LAMA1: variants seen among roughly 807,000 people sequenced by gnomAD.
LAMA1 encodes the protein laminin subunit alpha 1.
A neutral mutation model predicts 348.7 loss-of-function variants in LAMA1; 219 were observed. That is an observed-to-expected ratio of 0.63 (90% CI 0.56 to 0.70). LAMA1 has a LOEUF of 0.70. LAMA1 is among the 30% of genes least tolerant of loss of function. The probability of loss-of-function intolerance (pLI) is 0.00; values close to 1 mark genes in which losing one functional copy is unlikely to be tolerated. For missense variants in LAMA1, 3,744 were observed against 3,888.0 expected (o/e 0.96, Z 0.99); for synonymous variants, 1,487 against 1,491.0 (o/e 1.00, Z 0.06).
chr18:6,978,068 G>A lies in LAMA1; in HGVS notation c.6190+128C>T, dbSNP rs960740194. The A allele has an allele frequency of 5.8e-6, 8 of 1,373,288 alleles. No homozygotes were observed. In the African/African-American group the frequency reaches 1.0e-4, roughly 17 times the overall value. 85.1% of individuals were successfully genotyped at this position (1,373,288 alleles called of 1,614,324 possible). ...TCCCAAGGTCCTTCTCTTAATAAAG[G>A]CTAATCCAGATGTTAGCATACTTCT... On this transcript the variant is annotated intron_variant, in intron 43 of 62. Transcript: ENST00000389658.
At chr18:6,977,650 G>A in intron 44 of LAMA1, 77 bp downstream of exon 44, 3 of 1,559,164 alleles carry the variant, frequency 1.9e-6, no homozygotes, top group South Asian at 1.1e-5. Flanking sequence ...GTGACTGAGG[G>A]CCATGTCTGC....
At chr18:7,031,084 T>C (rs1385121275) in intron 16 of LAMA1, among the ~76,000 whole-genome samples, 2 of 152,108 alleles carry the variant, frequency 1.3e-5, no homozygotes, top group African/African-American at 4.8e-5. Flanking sequence ...TTCTAAGCCA[T>C]CCTGGACATA....
chr18:6,970,706 G>A (rs995247920), intron 48 of LAMA1, among the ~76,000 whole-genome samples: 3 of 151,526 alleles, frequency 2.0e-5, no homozygotes, highest in Non-Finnish European at 4.4e-5. Flanking sequence ...TCTGCCTCCC[G>A]GGTTCAAGCA....
intron 5 of LAMA1, among the ~76,000 whole-genome samples, chr18:7,048,279 G>A (rs1408689216): frequency 5.3e-5 from 8 of 152,036 alleles, no homozygotes; most frequent in Non-Finnish European, 1.2e-4. Context: ...ACAAATTAAC[G>A]TCACAAAATG....
chr18:7,050,906 C>T lies in LAMA1; in HGVS notation c.376G>A (p.Ala126Thr). ...TTTCCAGGTCGAGGGGCATTGGCAGCTTTAATGATGACATATGCAACTTGA... is the reference window on the plus strand; with the variant it reads ...TTTCCAGGTCGAGGGGCATTGGCAGTTTTAATGATGACATATGCAACTTGA... ...VFQVAYVIIK[A>T]ANAPRPGNWI... The change falls in exon 4 of 63, where the codon GCT becomes ACT. Residue 126 changes from alanine (A) to threonine (T), a missense_variant. Coordinates refer to ENST00000389658, the MANE Select transcript of LAMA1 (RefSeq NM_005559.4). 1.2e-6 allele frequency: 2 copies of T among 1,614,106 alleles called. No individual in the cohort carries two copies. The highest frequency in any genetic ancestry group is 1.7e-6 in the Non-Finnish European group (2 of 1,180,028).
intron 22 of LAMA1, among the ~76,000 whole-genome samples, chr18:7,015,126 G>A (rs2057880919): frequency 6.6e-6 from 1 of 152,206 alleles, no homozygotes; most frequent in Admixed American, 6.5e-5. Flanking sequence ...GGGATGACAG[G>A]CGTGAGCCAC....
intron 16 of LAMA1, among the ~76,000 whole-genome samples, chr18:7,031,280 T>C (rs921180550): frequency 1.3e-5 from 2 of 151,938 alleles, no homozygotes; most frequent in African/African-American, 4.8e-5. Context: ...GACCCCAGAG[T>C]GTGGCCTGGC....
intron 3 of LAMA1, among the ~76,000 whole-genome samples, chr18:7,071,918 C>T (rs113930490): frequency 8.9e-4 from 135 of 152,318 alleles, no homozygotes; most frequent in African/African-American, 2.9e-3. Context: ...GTGCATAGCA[C>T]AATGTCTGGC....
At chr18:7,037,495 T>A in intron 12 of LAMA1, 83 bp downstream of exon 12, 1 of 1,524,644 alleles carries the variant, frequency 6.6e-7, no homozygotes, top group Non-Finnish European at 9.1e-7. Flanking sequence ...TGAGACTACC[T>A]AAAATGCAGG....
intron 49 of LAMA1, chr18:6,965,894 A>G: frequency 2.0e-6 from 1 of 504,050 alleles, no homozygotes; most frequent in Middle Eastern, 5.5e-4. Context: ...ATTGATATCT[A>G]TAAAGACTAG....
At chr18:6,975,380 G>A (rs2057677336) in intron 45 of LAMA1, among the ~76,000 whole-genome samples, 1 of 152,176 alleles carries the variant, frequency 6.6e-6, no homozygotes, top group East Asian at 1.9e-4. Flanking sequence ...AGTCTCCGAG[G>A]TAAGAAATGG....
rs760104453 is a variant in LAMA1, at chr18:6,955,452, A to G, written c.8108T>C (p.Val2703Ala). 2 of 1,613,936 alleles carry G rather than the reference A, an allele frequency of 1.2e-6. No individual in the cohort carries two copies. Among genetic ancestry groups the G allele is most frequent in the Non-Finnish European group, 8.5e-7 (1 of 1,179,842 alleles). The change falls in exon 57 of 63, where the codon GTG (valine) becomes GCG (alanine). Residue 2703 changes from valine (V) to alanine (A), a missense_variant. Transcript: ENST00000389658. ...GGGAACGTACTCCAGAGCTGCATCCACCACACACTGTTCCTGTAAGAGACA... is the reference window on the plus strand; with the variant it reads ...GGGAACGTACTCCAGAGCTGCATCCGCCACACACTGTTCCTGTAAGAGACA... The part of the protein sequence containing the change: ...EPRAFPEQCV[V>A]DAALEYVPGA...
chr18:7,117,705 G>A lies in LAMA1; in HGVS notation c.16C>T (p.Leu6Phe). 1.9e-6 allele frequency: 3 copies of A among 1,598,210 alleles called. No homozygotes were observed. The highest frequency in any genetic ancestry group is 1.3e-5 in the African/African-American group (1 of 74,732). The change falls in exon 1 of 63, where the codon CTC (leucine) becomes TTC (phenylalanine). Residue 6 changes from leucine (L) to phenylalanine (F), a missense_variant. Leu to Phe is a conservative substitution (Grantham distance 22, BLOSUM62 0). This residue lies in a region of LAMA1 where 1,529 missense variants were observed against 1,689.4 expected (regional missense o/e 0.91). Transcript: ENST00000389658. The stretch of plus-strand genomic sequence containing the variant: ...GCGACACACAGCAGCAAGACCAGGA[G>A]CACGCCCCCGCGCATCTCGCCTCCG... MRGGV[L>F]LVLLLCVAAQ...
chr18:7,092,993 G>A (rs2058245539), intron 1 of LAMA1, among the ~76,000 whole-genome samples: 1 of 152,182 alleles, frequency 6.6e-6, no homozygotes, highest in Non-Finnish European at 1.5e-5. Context: ...CCCAAAATGT[G>A]GTCTTTAAAA....
chr18:7,104,868 A>ACGGGCC (rs1392938636), intron 1 of LAMA1, among the ~76,000 whole-genome samples: 1 of 152,208 alleles, frequency 6.6e-6, no homozygotes, highest in East Asian at 1.9e-4. Context: ...TACCCTGCAG[A>ACGGGCC]CGGGCCCAGG....
intron 46 of LAMA1, among the ~76,000 whole-genome samples, chr18:6,973,756 T>G (rs1279665454): frequency 6.6e-6 from 1 of 152,188 alleles, no homozygotes; most frequent in South Asian, 2.1e-4. Flanking sequence ...GCCTTACACG[T>G]AGACTTTCTA....
intron 9 of LAMA1, among the ~76,000 whole-genome samples, 176 bp downstream of exon 9, chr18:7,041,969 C>T (rs2058022333): frequency 6.6e-6 from 1 of 152,212 alleles, no homozygotes; most frequent in Admixed American, 6.5e-5. Context: ...GTTAAGTACA[C>T]ATTCCCAGGT....
At chr18:6,986,696 G>A (rs2057737173) in intron 36 of LAMA1, among the ~76,000 whole-genome samples, 2 of 152,142 alleles carry the variant, frequency 1.3e-5, no homozygotes, top group African/African-American at 4.8e-5. Context: ...TTCATCTCAT[G>A]TGTATTTCAA....
intron 16 of LAMA1, among the ~76,000 whole-genome samples, chr18:7,029,270 C>T (rs1260628949): frequency 6.6e-6 from 1 of 152,190 alleles, no homozygotes; most frequent in Non-Finnish European, 1.5e-5. Context: ...GTGATGCCCA[C>T]ACTGCTGGTC....
Sources: gnomAD v4.1 joint callset for allele counts (sites outside exome capture counted in the v4.1 genomes callset) on GRCh38, gnomAD v4.1.1 for gene constraint, gnomAD v4.1.1 regional missense constraint, MANE v1.5 for transcripts, NCBI Gene and HGNC (gene_info 2026-07-23, HGNC 2026-07-21) for gene names.